The following AGBL4 variants were observed in gnomAD, a reference collection of about 807,000 sequenced individuals.
AGBL4 encodes the protein cytosolic carboxypeptidase 6.
AGBL4 carries 58 observed loss-of-function variants against 66.4 expected under a neutral mutation model. The observed-to-expected ratio is 0.87, with a 90% confidence interval of 0.71 to 1.09. The LOEUF (loss-of-function observed/expected upper bound fraction) is 1.09. Ranked by LOEUF, AGBL4 falls within the 50% of genes least tolerant of loss-of-function variation. The pLI, the probability that AGBL4 is intolerant of heterozygous loss-of-function variation, is 0.00. For missense variants in AGBL4, 579 were observed against 631.0 expected (o/e 0.92, Z 0.88); for synonymous variants, 234 against 222.9 (o/e 1.05, Z -0.44).
chr1:49,899,933 A>G (rs990201073), intron 1 of AGBL4, among the ~76,000 whole-genome samples: 5 of 151,904 alleles, frequency 3.3e-5, no homozygotes, highest in Non-Finnish European at 5.9e-5. Context: ...TCCCAGCTAC[A>G]GGGGAGGCTG....
chr1:48,624,451 G>A (rs1359198796), intron 9 of AGBL4, among the ~76,000 whole-genome samples: 1 of 152,228 alleles, frequency 6.6e-6, no homozygotes. Context: ...TTTTGTATTT[G>A]AGAAGCTCAA....
intron 9 of AGBL4, among the ~76,000 whole-genome samples, chr1:48,593,163 A>G (rs181101734): frequency 1.3e-5 from 2 of 152,342 alleles, no homozygotes; most frequent in Admixed American, 6.5e-5. Context: ...TCCCAGAGAC[A>G]GTTTGTGCAT....
At chr1:48,889,522 A>G (rs1296659345) in intron 5 of AGBL4, among the ~76,000 whole-genome samples, 2 of 152,256 alleles carry the variant, frequency 1.3e-5, no homozygotes, top group Non-Finnish European at 2.9e-5. Context: ...AATAAATTGT[A>G]CATAAGCTAT....
chr1:48,692,493 G>T (rs1646648456), intron 6 of AGBL4, among the ~76,000 whole-genome samples: 1 of 152,168 alleles, frequency 6.6e-6, no homozygotes, highest in Non-Finnish European at 1.5e-5. Context: ...TCTGGGAGAG[G>T]AGCGTGGGCT....
chr1:49,922,365 G>T (rs2148242927), intron 1 of AGBL4, among the ~76,000 whole-genome samples: 1 of 152,212 alleles, frequency 6.6e-6, no homozygotes, highest in African/African-American at 2.4e-5. Context: ...ATGGGAAAAA[G>T]CTGGAAGTAT....
intron 11 of AGBL4, among the ~76,000 whole-genome samples, chr1:48,571,430 G>A (rs1644561453): frequency 6.6e-6 from 1 of 152,248 alleles, no homozygotes; most frequent in South Asian, 2.1e-4. Context: ...ATTTGCCTTG[G>A]TGTAGTGTCT....
intron 8 of AGBL4, among the ~76,000 whole-genome samples, chr1:48,642,787 A>T (rs1371982231): frequency 6.6e-6 from 1 of 152,184 alleles, no homozygotes; most frequent in Admixed American, 6.5e-5. Flanking sequence ...TTCTTAAGTG[A>T]AAAAGGACAG....
At chr1:49,447,661 G>C (rs1210924373) in intron 3 of AGBL4, among the ~76,000 whole-genome samples, 2 of 152,160 alleles carry the variant, frequency 1.3e-5, no homozygotes, top group Non-Finnish European at 2.9e-5. Flanking sequence ...TCAGGGTAGA[G>C]GAATTTTCAT....
chr1:49,060,271 G>A (rs1644379796), intron 4 of AGBL4, among the ~76,000 whole-genome samples: 1 of 152,034 alleles, frequency 6.6e-6, no homozygotes, highest in Admixed American at 6.6e-5. Flanking sequence ...TTCCTTCTTT[G>A]CTCAGCACTT....
At chr1:49,858,161 A>T (rs6703701) in intron 1 of AGBL4, among the ~76,000 whole-genome samples, 64,265 of 151,958 alleles carry the variant, frequency 0.42, 16,098 homozygotes, top group Non-Finnish European at 0.57. Context: ...CCAAACCACA[A>T]TGAGATACCA....
At chr1:49,611,000 A>G (rs1571168473) in intron 3 of AGBL4, among the ~76,000 whole-genome samples, 1 of 152,222 alleles carries the variant, frequency 6.6e-6, no homozygotes, top group East Asian at 1.9e-4. Flanking sequence ...GAAGTACTGT[A>G]GCTCTAGCAA....
intron 3 of AGBL4, among the ~76,000 whole-genome samples, chr1:49,494,863 A>G (rs1290552812): frequency 6.6e-6 from 1 of 151,982 alleles, no homozygotes; most frequent in Non-Finnish European, 1.5e-5. Flanking sequence ...GACTTCCCCA[A>G]TGGTTGAACT....
chr1:49,990,867 A>G (rs1434243540), intron 1 of AGBL4, among the ~76,000 whole-genome samples: 1 of 152,196 alleles, frequency 6.6e-6, no homozygotes, highest in Admixed American at 6.5e-5. Context: ...GACTTTTACT[A>G]ATGTGAATTA....
intron 1 of AGBL4, among the ~76,000 whole-genome samples, chr1:49,884,252 T>TA (rs779175101): frequency 3.9e-5 from 6 of 152,088 alleles, no homozygotes; most frequent in Admixed American, 6.5e-5. Context: ...CTTTGTTAAG[T>TA]AATTTAACCT....
At chr1:49,514,666 A>G (rs1259021030) in intron 3 of AGBL4, among the ~76,000 whole-genome samples, 1 of 152,122 alleles carries the variant, frequency 6.6e-6, no homozygotes, top group Non-Finnish European at 1.5e-5. Flanking sequence ...CCAAAACAGC[A>G]TGGTACTGGT....
intron 5 of AGBL4, among the ~76,000 whole-genome samples, chr1:48,940,876 T>C (rs1571054223): frequency 6.6e-6 from 1 of 152,342 alleles, no homozygotes; most frequent in South Asian, 2.1e-4. Context: ...CAGAGCTACA[T>C]ATGAGTTTTG....
At chr1:49,986,634 A>C (rs1659526433) in intron 1 of AGBL4, among the ~76,000 whole-genome samples, 1 of 152,066 alleles carries the variant, frequency 6.6e-6, no homozygotes, top group South Asian at 2.1e-4. Context: ...AGCATATGAG[A>C]GTTTCCAGAG....
At chr1:49,126,236 C>T (rs1002158570) in intron 4 of AGBL4, among the ~76,000 whole-genome samples, 2 of 152,120 alleles carry the variant, frequency 1.3e-5, no homozygotes, top group Non-Finnish European at 2.9e-5. Context: ...GTTTACCGTT[C>T]CAAGCAGCCT....
intron 9 of AGBL4, among the ~76,000 whole-genome samples, chr1:48,630,293 G>A (rs1645572946): frequency 6.6e-6 from 1 of 152,164 alleles, no homozygotes; most frequent in Admixed American, 6.5e-5. Flanking sequence ...AGGACAGCAG[G>A]CTCCTGTTTC....
Sources: allele counts gnomAD v4.1 joint callset (sites outside exome capture counted in the v4.1 genomes callset), GRCh38; gene constraint gnomAD v4.1.1; transcripts MANE v1.5; gene names NCBI Gene and HGNC (gene_info 2026-07-23, HGNC 2026-07-21).